The following RNF150 variants were observed in gnomAD, a reference collection of about 807,000 sequenced individuals.
RNF150 encodes the protein ring finger protein 150.
In RNF150, 24 loss-of-function variants were observed where a neutral mutation model predicts 39.3. The observed-to-expected ratio is 0.61, with a 90% CI of 0.44 to 0.86. RNF150 has a LOEUF of 0.86. Among genes scored for constraint, RNF150 ranks in the 40% least tolerant of loss-of-function variants. RNF150 has a pLI of 0.00. For missense variants in RNF150, 502 were observed against 587.8 expected, an observed-to-expected ratio of 0.85 and a Z score of 1.51; for synonymous variants, 255 against 227.3, an observed-to-expected ratio of 1.12 and a Z score of -1.10.
At chr4:141,136,367 A>T (rs929613777), upstream of RNF150, among the ~76,000 whole-genome samples, 8 of 152,152 alleles carry the variant, frequency 5.3e-5, no homozygotes, top group African/African-American at 1.9e-4. Flanking sequence ...AAAAAAAATG[A>T]TTATCTATGA....
chr4:141,158,145 G>A (rs1354862077), intron 1 of RNF150, among the ~76,000 whole-genome samples: 1 of 152,136 alleles, frequency 6.6e-6, no homozygotes, highest in South Asian at 2.1e-4. Flanking sequence ...ACAAAAATTA[G>A]CTGGGTGTGG....
chr4:140,943,717 T>C (rs1732177611), intron 4 of RNF150, among the ~76,000 whole-genome samples: 1 of 152,230 alleles, frequency 6.6e-6, no homozygotes, highest in South Asian at 2.1e-4. Context: ...CCACTATTCC[T>C]GGCACACAGT....
chr4:141,119,222 T>G (rs1441602289), intron 1 of RNF150, among the ~76,000 whole-genome samples: 1 of 152,256 alleles, frequency 6.6e-6, no homozygotes, highest in East Asian at 1.9e-4. Flanking sequence ...CCTACTTTAC[T>G]GGTCATTTGC....
intron 1 of RNF150, among the ~76,000 whole-genome samples, chr4:141,122,724 A>G (rs1313116823): frequency 6.6e-6 from 1 of 152,236 alleles, no homozygotes; most frequent in East Asian, 1.9e-4. Context: ...AAAAGCTATA[A>G]AAACACACCG....
In RNF150 at chr4:140,941,325, C is replaced by T. The variant is rs573532414; in HGVS notation, c.890+6329G>A. ...AGTGCAAAATCCGAATGAGACACAA[C>T]GGCAAGTTTGCTAAGATTGCTTCTT... On this transcript the variant is annotated intron_variant, in intron 4 of 6. Coordinates refer to ENST00000515673, the MANE Select transcript of RNF150 (RefSeq NM_020724.2). Among the ~76,000 whole-genome samples, 75 of 152,292 alleles carry T rather than the reference C, an allele frequency of 4.9e-4. No homozygotes were observed. In the South Asian group the frequency reaches 5.6e-3, roughly 11 times the overall value.
chr4:140,989,682 G>A (rs61211695), intron 1 of RNF150, among the ~76,000 whole-genome samples: 2,788 of 151,674 alleles, frequency 0.018, 90 homozygotes, highest in African/African-American at 0.063. Flanking sequence ...GCATTTATCC[G>A]GTAGTATTAT....
At chr4:141,181,965 T>A (rs1214748452) in intron 1 of RNF150, among the ~76,000 whole-genome samples, 1 of 152,294 alleles carries the variant, frequency 6.6e-6, no homozygotes, top group African/African-American at 2.4e-5. Context: ...AGTTCCAACC[T>A]AAGGAGAGGT....
At chr4:140,929,525 C>A (rs1162987639) in intron 4 of RNF150, among the ~76,000 whole-genome samples, 1 of 151,904 alleles carries the variant, frequency 6.6e-6, no homozygotes, top group East Asian at 1.9e-4. Context: ...CACCACCACG[C>A]CCAGCTAATT....
At chr4:141,204,665 C>T (rs992227504) in intron 1 of RNF150, among the ~76,000 whole-genome samples, 2 of 152,092 alleles carry the variant, frequency 1.3e-5, no homozygotes, top group African/African-American at 4.8e-5. Flanking sequence ...ACTCACAGTG[C>T]CAATCTTGAT....
chr4:140,949,969 C>G (rs1732481273), intron 2 of RNF150, among the ~76,000 whole-genome samples: 1 of 152,102 alleles, frequency 6.6e-6, no homozygotes, highest in Non-Finnish European at 1.5e-5. Context: ...TTCAGTTTAG[C>G]AAATAAGTAA....
rs539045780 is a variant in RNF150, at chr4:141,183,696, G to A, written c.-6+29098C>T. ...CCCTTGCCCCAAACCCCCCAACAGCGCCTCCCTGTGTCCATGTGTTCTCAC... is the reference window on the plus strand; with the variant it reads ...CCCTTGCCCCAAACCCCCCAACAGCACCTCCCTGTGTCCATGTGTTCTCAC... On this transcript the variant is annotated intron_variant, in intron 1 of 7. Transcript: ENST00000420921. Among the ~76,000 whole-genome samples the A allele has an allele frequency of 1.1e-4, 17 of 149,858 alleles. No individual in the cohort carries two copies. The East Asian group carries it at 2.8e-3, about 24-fold the overall frequency.
chr4:140,900,233 A>G (rs1475041960), intron 6 of RNF150, among the ~76,000 whole-genome samples: 1 of 152,170 alleles, frequency 6.6e-6, no homozygotes, highest in Non-Finnish European at 1.5e-5. Context: ...ATTATGCTCA[A>G]AACACTAAGG....
At chr4:141,148,106 T>C (rs1247760568) in intron 1 of RNF150, among the ~76,000 whole-genome samples, 2 of 152,160 alleles carry the variant, frequency 1.3e-5, no homozygotes, top group African/African-American at 4.8e-5. Flanking sequence ...ATAAAATTAG[T>C]CTTAATACAA....
chr4:141,034,094 T>C (rs1406777651), intron 1 of RNF150, among the ~76,000 whole-genome samples: 2 of 152,222 alleles, frequency 1.3e-5, no homozygotes, highest in Admixed American at 6.6e-5. Flanking sequence ...TTTCTTCCAG[T>C]GTAAGGGTGT....
intron 1 of RNF150, among the ~76,000 whole-genome samples, chr4:141,183,951 A>G (rs1166780964): frequency 6.6e-6 from 1 of 152,200 alleles, no homozygotes; most frequent in Non-Finnish European, 1.5e-5. Flanking sequence ...TATTGTAAAT[A>G]GTGCTGCAAT....
chr4:140,871,295 A>G (rs1728928952), intron 6 of RNF150, among the ~76,000 whole-genome samples: 1 of 152,118 alleles, frequency 6.6e-6, no homozygotes, highest in Non-Finnish European at 1.5e-5. Context: ...TATTAGATAG[A>G]ATGACCACTG....
At chr4:141,169,279 T>A (rs907763465) in intron 1 of RNF150, among the ~76,000 whole-genome samples, 1 of 152,082 alleles carries the variant, frequency 6.6e-6, no homozygotes, top group African/African-American at 2.4e-5. Context: ...CGTGTCTACT[T>A]CCCCTTTACC....
rs1187366099 is a variant in RNF150, at chr4:141,110,969, T to C, written c.484+21356A>G. Among the ~76,000 whole-genome samples, 5 of 152,108 alleles carry C rather than the reference T, an allele frequency of 3.3e-5. No homozygotes were observed. In the East Asian group the frequency reaches 7.7e-4, roughly 23 times the overall value. On this transcript the variant is annotated intron_variant, in intron 1 of 6. Coordinates refer to ENST00000515673, the MANE Select transcript of RNF150 (RefSeq NM_020724.2). The stretch of plus-strand genomic sequence containing the variant: ...TAATCAGTGATTTCGGCAATCTGAG[T>C]GTACTACAGGACAAAACCTGCTGTT...
At chr4:141,124,638 G>A (rs894108084) in intron 1 of RNF150, among the ~76,000 whole-genome samples, 2 of 152,116 alleles carry the variant, frequency 1.3e-5, no homozygotes, top group Non-Finnish European at 2.9e-5. Context: ...GAAAAAGGGG[G>A]AAACAAGCAT....
Sources: allele counts gnomAD v4.1 joint callset (sites outside exome capture counted in the v4.1 genomes callset), GRCh38; gene constraint gnomAD v4.1.1; transcripts MANE v1.5; gene names NCBI Gene and HGNC (gene_info 2026-07-23, HGNC 2026-07-21).